The following GRID1 variants were observed in gnomAD, a reference collection of about 807,000 sequenced individuals.
GRID1 encodes glutamate ionotropic receptor delta type subunit 1.
GRID1 carries 28 observed loss-of-function variants against 98.0 expected under a neutral mutation model. The observed-to-expected ratio is 0.29, with a 90% confidence interval of 0.21 to 0.39. The LOEUF (loss-of-function observed/expected upper bound fraction) is 0.39. GRID1 is among the 10% of genes least tolerant of loss of function. The probability of loss-of-function intolerance (pLI) is 1.00; values close to 1 mark genes in which losing one functional copy is unlikely to be tolerated. For synonymous variants in GRID1, 553 were observed against 538.5 expected (o/e 1.03, Z -0.37); for missense variants, 1,111 against 1,340.5 (o/e 0.83, Z 2.67).
chr10:85,897,009 A>G (rs1277846873), intron 5 of GRID1, among the ~76,000 whole-genome samples: 1 of 152,234 alleles, frequency 6.6e-6, no homozygotes, highest in Non-Finnish European at 1.5e-5. Context: ...TACTGACATG[A>G]TAAATTGTTA....
chr10:85,773,002 C>T (rs925302720), intron 8 of GRID1, among the ~76,000 whole-genome samples: 8 of 152,130 alleles, frequency 5.3e-5, no homozygotes, highest in East Asian at 1.9e-4. Context: ...ATACCAAAGC[C>T]GGGCAGAGAC....
intron 3 of GRID1, among the ~76,000 whole-genome samples, chr10:86,205,552 C>T (rs139965503): frequency 4.2e-4 from 64 of 152,368 alleles, no homozygotes; most frequent in African/African-American, 1.5e-3. Flanking sequence ...TATTGTACTA[C>T]AGCTATGCAG....
chr10:86,357,541 A>C (rs111243950), intron 2 of GRID1, among the ~76,000 whole-genome samples: 2,213 of 152,340 alleles, frequency 0.015, 51 homozygotes, highest in African/African-American at 0.05. Flanking sequence ...TGTAGTCTAT[A>C]AAATGAGAAA....
Position 85,810,671 on chromosome 10 carries a change from C to T in GRID1, c.1233+43825G>A, listed in dbSNP as rs142938751. ...AGCCAGGCAAACCTGCCCCGGCCGA[C>T]ATGCCCCTAAGCTCCCAAGCATCTG... On this transcript the variant is annotated intron_variant, in intron 8 of 15. Coordinates refer to ENST00000327946, the MANE Select transcript of GRID1 (RefSeq NM_017551.3). Among the ~76,000 whole-genome samples, 3 of 152,336 alleles carry T rather than the reference C, an allele frequency of 2.0e-5. No homozygotes were observed. The East Asian group carries it at 5.8e-4, about 29-fold the overall frequency.
At chr10:86,296,667 A>C (rs908388182) in intron 2 of GRID1, among the ~76,000 whole-genome samples, 1 of 152,182 alleles carries the variant, frequency 6.6e-6, no homozygotes, top group African/African-American at 2.4e-5. Context: ...CGAACCCGAG[A>C]GACAGATGTT....
At chr10:86,038,826 T>C (rs553655740) in intron 4 of GRID1, among the ~76,000 whole-genome samples, 2 of 152,344 alleles carry the variant, frequency 1.3e-5, no homozygotes, top group South Asian at 4.1e-4. Context: ...AAGATGGTCT[T>C]ATTTCTGATT....
intron 3 of GRID1, among the ~76,000 whole-genome samples, chr10:86,177,858 G>C (rs1845599344): frequency 1.3e-5 from 2 of 151,738 alleles, no homozygotes; most frequent in African/African-American, 4.8e-5. Flanking sequence ...TTCAGTGTAT[G>C]TGTGTGTGTG....
chr10:85,895,069 C>T (rs1452027868), intron 5 of GRID1, among the ~76,000 whole-genome samples: 1 of 145,438 alleles, frequency 6.9e-6, no homozygotes, highest in African/African-American at 2.5e-5. Context: ...TGCACAGAAC[C>T]TATAACCTTC....
At chr10:86,070,664 C>G (rs1219230797) in intron 4 of GRID1, among the ~76,000 whole-genome samples, 1 of 152,150 alleles carries the variant, frequency 6.6e-6, no homozygotes, top group Non-Finnish European at 1.5e-5. Flanking sequence ...GTGATATGAC[C>G]CAGACACTTC....
chr10:85,704,458 G>C (rs1036936117), intron 12 of GRID1, among the ~76,000 whole-genome samples: 8 of 152,190 alleles, frequency 5.3e-5, no homozygotes, highest in African/African-American at 1.9e-4. Flanking sequence ...GGAGTACCCA[G>C]ATTCATAAAG....
intron 4 of GRID1, among the ~76,000 whole-genome samples, chr10:86,030,529 T>C (rs933643951): frequency 6.6e-6 from 1 of 152,228 alleles, no homozygotes; most frequent in Non-Finnish European, 1.5e-5. Context: ...GATAGAACCA[T>C]GCATGGGCAT....
chr10:85,920,278 G>C (rs1841684188), intron 4 of GRID1, among the ~76,000 whole-genome samples: 1 of 152,102 alleles, frequency 6.6e-6, no homozygotes, highest in African/African-American at 2.4e-5. Context: ...CTCCCACTTA[G>C]GGTTATTGTG....
intron 4 of GRID1, among the ~76,000 whole-genome samples, chr10:86,049,704 T>C (rs1472788138): frequency 1.3e-5 from 2 of 152,378 alleles, no homozygotes; most frequent in East Asian, 1.9e-4. Flanking sequence ...TGCTTGGCTT[T>C]GACTACCTCT....
intron 8 of GRID1, among the ~76,000 whole-genome samples, chr10:85,845,885 T>C (rs78403315): frequency 0.087 from 13,308 of 152,284 alleles, 744 homozygotes; most frequent in Middle Eastern, 0.17. Context: ...ATGGAACATT[T>C]GATATCACTG....
At position 85,779,326 on chromosome 10, in the gene GRID1, C is replaced by T. The variant is rs913007866; in HGVS notation, c.1234-49712G>A. Among the ~76,000 whole-genome samples the T allele has an allele frequency of 3.3e-5, 5 of 152,294 alleles. 1 individual carries two copies. Among genetic ancestry groups the T allele is most frequent in the Admixed American group, 6.5e-5 (1 of 15,296 alleles). On this transcript the variant is annotated intron_variant, in intron 8 of 15. Transcript: ENST00000327946. ...TTCACTCTACTGGAAAAATCCAAAA[C>T]CTGCCTTAGGAGAGTGAAATCTCTC...
At chr10:86,312,846 CGGTGGCCCACCCACTGAGGGA>C (rs1847850210) in intron 2 of GRID1, among the ~76,000 whole-genome samples, 3 of 152,204 alleles carry the variant, frequency 2.0e-5, no homozygotes, top group Admixed American at 2.0e-4. Context: ...GCCACATTAG[CGGTGGCCCACCCACTGAGGGA>C]GGAGCAACAG....
chr10:86,335,110 T>G (rs1470933324), intron 2 of GRID1, among the ~76,000 whole-genome samples: 5 of 152,242 alleles, frequency 3.3e-5, no homozygotes, highest in Non-Finnish European at 5.9e-5. Context: ...TAAACTCACT[T>G]AGACTTTCAT....
intron 5 of GRID1, among the ~76,000 whole-genome samples, chr10:85,885,035 A>G (rs1418509973): frequency 6.6e-6 from 1 of 152,224 alleles, no homozygotes; most frequent in Non-Finnish European, 1.5e-5. Context: ...ACACTAAAAT[A>G]TGAGAAATTG....
intron 8 of GRID1, among the ~76,000 whole-genome samples, chr10:85,799,642 C>A (rs1035213024): frequency 2.6e-5 from 4 of 152,012 alleles, no homozygotes; most frequent in Non-Finnish European, 5.9e-5. Flanking sequence ...CACATGGTCT[C>A]ACTCGTGGAA....
Sources: gnomAD v4.1 joint callset for allele counts (sites outside exome capture counted in the v4.1 genomes callset) on GRCh38, gnomAD v4.1.1 for gene constraint, MANE v1.5 for transcripts, NCBI Gene and HGNC (gene_info 2026-07-23, HGNC 2026-07-21) for gene names.